ADTRP: variants seen among roughly 807,000 people sequenced by gnomAD.
ADTRP encodes androgen-dependent TFPI-regulating protein.
ADTRP carries 20 observed loss-of-function variants against 27.0 expected under a neutral mutation model. That is an observed-to-expected ratio of 0.74 (90% confidence interval 0.52 to 1.08). The LOEUF (loss-of-function observed/expected upper bound fraction) is 1.08. ADTRP is among the 50% of genes least tolerant of loss of function. The probability of loss-of-function intolerance (pLI) is 0.00; values close to 1 mark genes in which losing one functional copy is unlikely to be tolerated. For synonymous variants in ADTRP, 101 were observed against 105.2 expected, an observed-to-expected ratio of 0.96 and a Z score of 0.25; for missense variants, 251 against 275.0, an observed-to-expected ratio of 0.91 and a Z score of 0.62.
intron 1 of ADTRP, among the ~76,000 whole-genome samples, chr6:11,776,149 C>G (rs762850499): frequency 3.9e-5 from 6 of 152,192 alleles, no homozygotes; most frequent in Non-Finnish European, 8.8e-5. Context: ...ACACTCAACC[C>G]ATCTTCACCA....
chr6:11,748,358 C>T (rs1385680555), intron 3 of ADTRP, among the ~76,000 whole-genome samples: 2 of 152,170 alleles, frequency 1.3e-5, no homozygotes, highest in Non-Finnish European at 2.9e-5. Context: ...TCACTCCACC[C>T]CAAAGGAAGA....
intron 3 of ADTRP, among the ~76,000 whole-genome samples, chr6:11,751,559 C>G (rs1763055650): frequency 6.6e-6 from 1 of 152,170 alleles, no homozygotes; most frequent in Non-Finnish European, 1.5e-5. Flanking sequence ...CTATTCCAAT[C>G]ACCCCCTCTC....
At chr6:11,723,324 G>T (rs1319486062) in intron 5 of ADTRP, 25 bp downstream of exon 5, 1 of 1,612,044 alleles carries the variant, frequency 6.2e-7, no homozygotes, top group African/African-American at 1.3e-5. Context: ...AAGCGCATCT[G>T]TAGCTAAGAA....
chr6:11,725,205 C>T (rs1762147883), intron 4 of ADTRP, among the ~76,000 whole-genome samples: 1 of 152,140 alleles, frequency 6.6e-6, no homozygotes, highest in Non-Finnish European at 1.5e-5. Context: ...ATCTCTGCAA[C>T]AAAGGACACA....
intron 1 of ADTRP, among the ~76,000 whole-genome samples, chr6:11,777,650 A>T (rs1764003115): frequency 6.6e-6 from 1 of 152,206 alleles, no homozygotes; most frequent in South Asian, 2.1e-4. Context: ...TTCAGGCCCA[A>T]ATCAAGAGGC....
chr6:11,718,819 C>T (rs761450936), intron 5 of ADTRP, among the ~76,000 whole-genome samples: 12 of 152,230 alleles, frequency 7.9e-5, no homozygotes, highest in South Asian at 2.1e-4. Context: ...CCTGAGGAAC[C>T]TCTTGTGAGC....
intron 1 of ADTRP, among the ~76,000 whole-genome samples, chr6:11,775,877 T>C (rs992233251): frequency 6.6e-6 from 1 of 152,174 alleles, no homozygotes; most frequent in African/African-American, 2.4e-5. Context: ...AGGAGGGGTG[T>C]AAATTTTCTG....
intron 3 of ADTRP, among the ~76,000 whole-genome samples, chr6:11,758,564 C>A (rs1476893493): frequency 3.0e-5 from 1 of 32,900 alleles, no homozygotes; most frequent in Non-Finnish European, 5.4e-5. Flanking sequence ...ACACCGGGGA[C>A]TGTTGTGGGG....
intron 3 of ADTRP, among the ~76,000 whole-genome samples, chr6:11,748,370 G>C (rs1318734476): frequency 3.9e-5 from 6 of 152,202 alleles, no homozygotes; most frequent in Non-Finnish European, 5.9e-5. Flanking sequence ...AAAGGAAGAA[G>C]AACTCTGGGG....
At position 11,749,473 on chromosome 6, in the gene ADTRP, C is replaced by T. The variant is rs1021278288; in HGVS notation, c.391-13790G>A. Among the ~76,000 whole-genome samples, 33 of 151,944 alleles carry T rather than the reference C, an allele frequency of 2.2e-4. 1 individual carries two copies. The highest frequency in any genetic ancestry group is 4.8e-5 in the African/African-American group (2 of 41,340). Reference sequence around the variant, plus strand: ...CTAGACACTCAGCACATGGAAAGAACAAAAGCCATGGGAATGAATGGATGC... The same window carrying T: ...CTAGACACTCAGCACATGGAAAGAATAAAAGCCATGGGAATGAATGGATGC... On this transcript the variant is annotated intron_variant, in intron 3 of 5. Transcript: ENST00000414691.
chr6:11,747,691 A>G (rs1258983632), intron 3 of ADTRP, among the ~76,000 whole-genome samples: 1 of 152,220 alleles, frequency 6.6e-6, no homozygotes, highest in Non-Finnish European at 1.5e-5. Flanking sequence ...TTGCCCATCA[A>G]CAGGAACCCC....
intron 5 of ADTRP, among the ~76,000 whole-genome samples, chr6:11,719,311 C>T (rs568411082): frequency 7.9e-5 from 12 of 152,290 alleles, no homozygotes; most frequent in South Asian, 4.1e-4. Flanking sequence ...ACAAGATCTC[C>T]GGGTTCCCCA....
In ADTRP at chr6:11,714,320, C is replaced by A; in HGVS notation, c.*158G>T. The stretch of plus-strand genomic sequence containing the variant: ...AAAAACCAAGAGTTCTCAAGTTAAG[C>A]TACCTTCACGAACCTCTTATTAAAT... On this transcript the variant is annotated 3_prime_UTR_variant, in exon 6 of 6. Transcript: ENST00000414691. 1.3e-6 allele frequency: 1 copy of A among 791,716 alleles called. No individual in the cohort carries two copies. The highest frequency in any genetic ancestry group is 2.0e-6 in the Non-Finnish European group (1 of 506,720). 49.0% of individuals were successfully genotyped at this position (791,716 alleles called of 1,614,324 possible).
intron 1 of ADTRP, among the ~76,000 whole-genome samples, chr6:11,768,858 G>C (rs954899238): frequency 7.9e-5 from 12 of 152,032 alleles, no homozygotes; most frequent in Non-Finnish European, 1.8e-4. Context: ...GGACCACCAC[G>C]AATCTCTGTG....
At chr6:11,736,798 G>A (rs903208216) in intron 3 of ADTRP, 1 of 152,158 alleles carries the variant, frequency 6.6e-6, no homozygotes, top group Non-Finnish European at 1.5e-5. Flanking sequence ...CGCTCTGGGG[G>A]GCCGGAGAAC....
At chr6:11,736,945 A>G (rs1762573130) in intron 3 of ADTRP, among the ~76,000 whole-genome samples, 1 of 151,760 alleles carries the variant, frequency 6.6e-6, no homozygotes, top group African/African-American at 2.4e-5. Flanking sequence ...CCTTCCCTGC[A>G]TCACCCCCTC....
intron 3 of ADTRP, chr6:11,738,545 A>G (rs1762616441): frequency 6.6e-6 from 1 of 152,204 alleles, no homozygotes. Context: ...CTGGCCATTG[A>G]TCTGATGAAT....
intron 4 of ADTRP, among the ~76,000 whole-genome samples, chr6:11,732,321 C>T (rs1160205971): frequency 6.6e-6 from 1 of 152,192 alleles, no homozygotes; most frequent in Non-Finnish European, 1.5e-5. Context: ...CCCTCTGGCC[C>T]GAGCCCATGC....
At chr6:11,754,243 CCT>C in intron 3 of ADTRP, among the ~76,000 whole-genome samples, 1 of 152,318 alleles carries the variant, frequency 6.6e-6, no homozygotes, top group South Asian at 2.1e-4. Flanking sequence ...TTTCTGCACC[CCT>C]CTTTAGTTTT....
Sources: allele counts gnomAD v4.1 joint callset (sites outside exome capture counted in the v4.1 genomes callset), GRCh38; gene constraint gnomAD v4.1.1; transcripts MANE v1.5; gene names NCBI Gene and HGNC (gene_info 2026-07-23, HGNC 2026-07-21).